The following PSORS1C1 variants were observed in gnomAD, a reference collection of about 807,000 sequenced individuals.
The protein encoded by PSORS1C1 is psoriasis susceptibility 1 candidate 1.
In PSORS1C1, 7 loss-of-function variants were observed where a neutral mutation model predicts 9.4. The ratio of observed to expected loss-of-function variants is 0.75; its 90% confidence interval spans 0.42 to 1.40. PSORS1C1 has a LOEUF of 1.40. Among genes scored for constraint, PSORS1C1 ranks in the 40% most tolerant of loss-of-function variants. The pLI is 0.01. For missense variants in PSORS1C1, 146 were observed against 178.1 expected, an observed-to-expected ratio of 0.82 and a Z score of 1.02; for synonymous variants, 63 against 69.4, an observed-to-expected ratio of 0.91 and a Z score of 0.46.
At chr6:31,129,986 A>G (rs1340343433) in intron 3 of PSORS1C1, among the ~76,000 whole-genome samples, 10 of 152,076 alleles carry the variant, frequency 6.6e-5, no homozygotes, top group African/African-American at 9.7e-5. Context: ...GCTACTCAGG[A>G]CGCTGTGGTA....
At chr6:31,135,497 G>A (rs1190097164) in intron 3 of PSORS1C1, among the ~76,000 whole-genome samples, 1 of 152,076 alleles carries the variant, frequency 6.6e-6, no homozygotes, top group African/African-American at 2.4e-5. Context: ...GATTACAGGC[G>A]TGAGCCACCA....
chr6:31,117,176 G>A (rs755986034), intron 1 of PSORS1C1: 3 of 1,612,022 alleles, frequency 1.9e-6, no homozygotes, highest in Non-Finnish European at 1.7e-6. Context: ...CTTCCCGAGT[G>A]AGAGCCGCTG....
At chr6:31,138,963 C>CCA in intron 5 of PSORS1C1, 184 bp downstream of exon 5, 1 of 1,613,908 alleles carries the variant, frequency 6.2e-7, no homozygotes, top group Non-Finnish European at 8.5e-7. Flanking sequence ...GCCTCTGTTC[C>CCA]CACCTCACCT....
chr6:31,136,707 A>C (rs1177559821), intron 3 of PSORS1C1, among the ~76,000 whole-genome samples: 1 of 152,184 alleles, frequency 6.6e-6, no homozygotes, highest in African/African-American at 2.4e-5. Flanking sequence ...GTGGGCCTGA[A>C]TGTTATTGTG....
chr6:31,138,054 G>A lies in PSORS1C1; in HGVS notation c.14-376G>A, dbSNP rs140123211. On this transcript the variant is annotated intron_variant, in intron 3 of 5. Coordinates refer to ENST00000259881, the MANE Select transcript of PSORS1C1 (RefSeq NM_014068.3). ...GGGGTTTTCTGGGGGCTGGGGTCCT[G>A]CCGGCCAAGGGTCGTCAGGCCGGGG... is the stretch of plus-strand genomic sequence containing the variant. 317 of 1,537,164 alleles carry A rather than the reference G, an allele frequency of 2.1e-4. 1 individual carries two copies. In the African/African-American group the frequency reaches 4.2e-3, roughly 20 times the overall value.
At position 31,128,803 on chromosome 6, in the gene PSORS1C1, G is replaced by A. The variant is rs377180403; in HGVS notation, c.-64-766G>A. ...TTAGGAGTCCCTCCTGGGCTCCTAC[G>A]TCAGGGTTTGCCCCCTCTCTAATTT... On this transcript the variant is annotated intron_variant, in intron 2 of 5. Coordinates refer to ENST00000259881, the MANE Select transcript of PSORS1C1 (RefSeq NM_014068.3). The surrounding 1 kb of genome is among the most constrained non-coding windows in gnomAD (Gnocchi z 4.3). Among the ~76,000 whole-genome samples, 8 of 152,158 alleles carry A rather than the reference G, an allele frequency of 5.3e-5. No individual in the cohort carries two copies. Among genetic ancestry groups the A allele is most frequent in the Admixed American group, 4.6e-4 (7 of 15,282 alleles).
chr6:31,116,375 G>T, intron 1 of PSORS1C1: 2 of 1,609,180 alleles, frequency 1.2e-6, no homozygotes, highest in East Asian at 4.5e-5. Context: ...CTGCCGCAGG[G>T]ATGGTAGGGT....
intron 1 of PSORS1C1, among the ~76,000 whole-genome samples, chr6:31,121,348 A>G (rs3132545): frequency 0.76 from 115,242 of 152,126 alleles, 43,988 homozygotes; most frequent in South Asian, 0.83. Flanking sequence ...TGGTGGCCCC[A>G]TAGCCCATCT....
At position 31,114,806 on chromosome 6, in the gene PSORS1C1, G is replaced by C; in HGVS notation, c.-314G>C. On this transcript the variant is annotated 5_prime_UTR_variant, in exon 1 of 6. Coordinates refer to ENST00000259881, the MANE Select transcript of PSORS1C1 (RefSeq NM_014068.3). ...TGACAGGAATCTGGTTGGAGTTGTT[G>C]TGTCCCAGCCTTCCCAAGCTTCCAG... 1 of 453,220 alleles carries C rather than the reference G, an allele frequency of 2.2e-6. No individual in the cohort carries two copies. The highest frequency in any genetic ancestry group is 1.6e-5 in the South Asian group (1 of 63,978). The allele number at this position is 453,220 out of a possible 1,614,324, so 28.1% of individuals were successfully genotyped here. A position where few individuals can be genotyped will look rare whatever the true frequency, so the allele number is the denominator to read the frequency against.
chr6:31,123,973 G>A lies in PSORS1C1; in HGVS notation c.-228-1703G>A, dbSNP rs113516562. 7.9e-5 allele frequency among the ~76,000 whole-genome samples: 12 copies of A among 152,308 alleles called. No homozygotes were observed. In the East Asian group the frequency reaches 1.7e-3, roughly 22 times the overall value. Reference sequence around the variant, plus strand: ...AGAAGCACAGAGCAGGCAGCCAGACGTGGGGCCTTGTGGTGCTTCAGGTGT... The same window carrying A: ...AGAAGCACAGAGCAGGCAGCCAGACATGGGGCCTTGTGGTGCTTCAGGTGT... On this transcript the variant is annotated intron_variant, in intron 1 of 5. Coordinates refer to ENST00000259881, the MANE Select transcript of PSORS1C1 (RefSeq NM_014068.3).
intron 1 of PSORS1C1, chr6:31,120,535 G>C: frequency 1.1e-6 from 1 of 941,014 alleles, no homozygotes; most frequent in Non-Finnish European, 1.7e-6. Context: ...GAGGTGGAGG[G>C]GGTGGGTGCC....
intron 3 of PSORS1C1, among the ~76,000 whole-genome samples, chr6:31,134,963 C>A (rs1310277751): frequency 6.6e-6 from 1 of 152,048 alleles, no homozygotes; most frequent in Non-Finnish European, 1.5e-5. Context: ...ACTACAGGTG[C>A]GGGCCACCAC....
intron 2 of PSORS1C1, among the ~76,000 whole-genome samples, chr6:31,127,810 G>T (rs1173698736): frequency 6.8e-6 from 1 of 147,198 alleles, no homozygotes; most frequent in Admixed American, 6.7e-5. Context: ...GCGAAACTCT[G>T]TCTCAAAAAA....
chr6:31,135,291 C>T (rs2150975117), intron 3 of PSORS1C1, among the ~76,000 whole-genome samples: 1 of 152,222 alleles, frequency 6.6e-6, no homozygotes, highest in South Asian at 2.1e-4. Flanking sequence ...GGCTGGAGTG[C>T]AGTGGTGCGA....
Position 31,139,119 on chromosome 6 carries a change from A to T in PSORS1C1, c.167+340A>T. Reference sequence around the variant, plus strand: ...ATAGGGGAGGAGTGGAGGAGGGACCAGCCCAGTGGCACAGGAATACCATCA... The same window carrying T: ...ATAGGGGAGGAGTGGAGGAGGGACCTGCCCAGTGGCACAGGAATACCATCA... On this transcript the variant is annotated intron_variant, in intron 5 of 5. Coordinates refer to ENST00000259881, the MANE Select transcript of PSORS1C1 (RefSeq NM_014068.3). The surrounding 1 kb of genome is among the most constrained non-coding windows in gnomAD (Gnocchi z 5.2). 1 of 961,582 alleles carries T rather than the reference A, an allele frequency of 1.0e-6. No individual in the cohort carries two copies. The highest frequency in any genetic ancestry group is 1.7e-6 in the Non-Finnish European group (1 of 603,964). The allele number at this position is 961,582 out of a possible 1,614,324, so 59.6% of individuals were successfully genotyped here. A position where few individuals can be genotyped will look rare whatever the true frequency, so the allele number is the denominator to read the frequency against.
chr6:31,131,844 C>T (rs749829161), intron 3 of PSORS1C1, among the ~76,000 whole-genome samples: 4 of 152,190 alleles, frequency 2.6e-5, no homozygotes, highest in Non-Finnish European at 4.4e-5. Context: ...ATGGCACATG[C>T]GCAGTAGAAA....
Position 31,139,081 on chromosome 6 carries a change from C to A in PSORS1C1, c.167+302C>A, listed in dbSNP as rs1773318209. On this transcript the variant is annotated intron_variant, in intron 5 of 5. Transcript: ENST00000259881. This position sits in a 1 kb window ranked among gnomAD's most constrained non-coding sequence, Gnocchi z 5.2. ...GGGCTGAGTCTGGGTGCCTGGGAAC[C>A]CCAAGAGGCTTTATAGGGGAGGAGT... 6.6e-7 allele frequency: 1 copy of A among 1,515,726 alleles called. No individual in the cohort carries two copies. The highest frequency in any genetic ancestry group is 2.3e-5 in the East Asian group (1 of 44,336). 93.9% of individuals were successfully genotyped at this position (1,515,726 alleles called of 1,614,324 possible). A position where few individuals can be genotyped will look rare whatever the true frequency, so the allele number is the denominator to read the frequency against.
At position 31,139,870 on chromosome 6, in the gene PSORS1C1, C is replaced by T; in HGVS notation, c.397C>T (p.Pro133Ser). Residue 133 changes from proline (P) to serine (S), a missense_variant, in exon 6 of 6, where the codon CCA becomes TCA. Transcript: ENST00000259881. The surrounding 1 kb of genome is among the most constrained non-coding windows in gnomAD (Gnocchi z 5.2). The part of the protein sequence containing the change: ...IHLSASRTLA[P>S]TLLYSSPPSH... ...CCTATCCGCCTCTAGGACCTTGGCTCCAACTCTATTGTACTCGTCTCCTCC... is the reference window on the plus strand; with the variant it reads ...CCTATCCGCCTCTAGGACCTTGGCTTCAACTCTATTGTACTCGTCTCCTCC... The T allele has an allele frequency of 1.2e-6, 2 of 1,613,052 alleles. No individual in the cohort carries two copies. The highest frequency in any genetic ancestry group is 1.7e-6 in the Non-Finnish European group (2 of 1,180,008).
intron 2 of PSORS1C1, among the ~76,000 whole-genome samples, chr6:31,126,690 G>A (rs1374825919): frequency 6.6e-6 from 1 of 152,194 alleles, no homozygotes; most frequent in Non-Finnish European, 1.5e-5. Flanking sequence ...GTGAAGACTG[G>A]GGCCAGAGCC....
Sources: allele counts gnomAD v4.1 joint callset (sites outside exome capture counted in the v4.1 genomes callset), GRCh38; gene constraint gnomAD v4.1.1; non-coding constraint Gnocchi (gnomAD v3.1); transcripts MANE v1.5; gene names NCBI Gene and HGNC (gene_info 2026-07-23, HGNC 2026-07-21).